ASAH1: variants seen among roughly 807,000 people sequenced by gnomAD.
The protein encoded by ASAH1 is N-acylsphingosine amidohydrolase 1, also known as acid ceramidase.
In ASAH1, 70 loss-of-function variants were observed where a neutral mutation model predicts 59.5. The observed-to-expected ratio is 1.18, with a 90% CI of 0.97 to 1.43. ASAH1 has a LOEUF of 1.43. Among genes scored for constraint, ASAH1 ranks in the 40% most tolerant of loss-of-function variants. The pLI, the probability that ASAH1 is intolerant of heterozygous loss-of-function variation, is 0.00. For synonymous variants in ASAH1, 213 were observed against 166.5 expected (o/e 1.28, Z -2.15); for missense variants, 660 against 482.5 (o/e 1.37, Z -3.45).
At chr8:18,063,340 G>T in intron 6 of ASAH1, 110 bp from the exon 7 acceptor site, 1 of 1,083,460 alleles carries the variant, frequency 9.2e-7, no homozygotes, top group Non-Finnish European at 1.4e-6. Context: ...GTCTCGTTCT[G>T]TTGGCCAGAC....
At position 18,075,567 on chromosome 8, in the gene ASAH1, T is replaced by C; in HGVS notation, c.99A>G (p.Lys33=). Residue 33 remains lysine, a synonymous_variant, in exon 2 of 14, where the codon AAA becomes AAG. Coordinates refer to ENST00000637790, the MANE Select transcript of ASAH1 (RefSeq NM_177924.5). ...HAPPWTEDCR[K]STYPPSGPTY... ...TTGGTCCTGAAGGAGGATAGGTTGA[T>C]TTTCTGCAGTCCTCTGTCCACTGAA... 2 of 1,614,176 alleles carry C rather than the reference T, an allele frequency of 1.2e-6. No individual in the cohort carries two copies. The highest frequency in any genetic ancestry group is 2.2e-5 in the East Asian group (1 of 44,870).
Position 18,059,358 on chromosome 8 carries a change from T to C in ASAH1, c.1024A>G (p.Asn342Asp), listed in dbSNP as rs372928199. 11 of 1,614,106 alleles carry C rather than the reference T, an allele frequency of 6.8e-6. 1 individual carries two copies. In the African/African-American group the frequency reaches 1.5e-4, roughly 22 times the overall value. Residue 342 changes from asparagine (N) to aspartate (D), a missense_variant, in exon 12 of 14, where the codon AAC (asparagine) becomes GAC (aspartate). Coordinates refer to ENST00000637790, the MANE Select transcript of ASAH1 (RefSeq NM_177924.5). ...DRRTPAKMCL[N>D]RTSQENISFE... Reference sequence around the variant, plus strand: ...AAAGGTACCTCTTGGCTGGTGCGGTTCAGACACATCTTTGCAGGCGTTCTG... The same window carrying C: ...AAAGGTACCTCTTGGCTGGTGCGGTCCAGACACATCTTTGCAGGCGTTCTG...
chr8:18,078,860 A>G (rs557351637), intron 1 of ASAH1, among the ~76,000 whole-genome samples: 51 of 151,874 alleles, frequency 3.4e-4, no homozygotes, highest in African/African-American at 1.1e-3. Context: ...ATTCTCTCTA[A>G]CCCTCTCCCC....
In ASAH1 at chr8:18,069,787, C is replaced by T. The variant is rs577572797; in HGVS notation, c.303+5G>A. ...ACATTTATTGTGAGAAATAATATCT[C>T]TTACCAATTTTTCATCCACCACCTG... On this transcript the variant is annotated splice_donor_5th_base_variant and intron_variant, in intron 4 of 13. Coordinates refer to ENST00000637790, the MANE Select transcript of ASAH1 (RefSeq NM_177924.5). The T allele has an allele frequency of 6.5e-7, 1 of 1,543,972 alleles. No individual in the cohort carries two copies. Among genetic ancestry groups the T allele is most frequent in the East Asian group, 2.2e-5 (1 of 44,548 alleles).
chr8:18,072,315 G>A (rs1384238743), intron 2 of ASAH1, among the ~76,000 whole-genome samples: 1 of 152,158 alleles, frequency 6.6e-6, no homozygotes, highest in Non-Finnish European at 1.5e-5. Context: ...AAATAGAAAT[G>A]TTATCTAGAC....
chr8:18,074,996 C>G (rs1415343961), intron 2 of ASAH1, among the ~76,000 whole-genome samples: 4 of 149,186 alleles, frequency 2.7e-5, no homozygotes, highest in Admixed American at 6.7e-5. Flanking sequence ...GAATGAAAAT[C>G]CTTTCCTTTT....
chr8:18,067,085 T>C (rs1799956830), intron 5 of ASAH1, 135 bp downstream of exon 5: 4 of 198,490 alleles, frequency 2.0e-5, no homozygotes, highest in Admixed American at 1.2e-4. Context: ...CACTGAGCTG[T>C]ATATCTAAGA....
At chr8:18,084,869 G>A, upstream of ASAH1, 1 of 1,592,574 alleles carries the variant, frequency 6.3e-7, no homozygotes, top group East Asian at 2.3e-5. Context: ...AGCTTGGGAG[G>A]AGGCGGACGC....
At chr8:18,084,894 G>A, upstream of ASAH1, 2 of 1,538,404 alleles carry the variant, frequency 1.3e-6, no homozygotes, top group Non-Finnish European at 1.8e-6. Flanking sequence ...AGCTCGGCAG[G>A]GGGACTCGCT....
chr8:18,082,322 G>A (rs1800686403), intron 1 of ASAH1, among the ~76,000 whole-genome samples: 1 of 152,244 alleles, frequency 6.6e-6, no homozygotes, highest in South Asian at 2.1e-4. Flanking sequence ...TCCAACACCT[G>A]AAACTGCTCT....
At chr8:18,084,122 G>C (rs1193316934), upstream of ASAH1, 2 of 1,585,410 alleles carry the variant, frequency 1.3e-6, no homozygotes, top group African/African-American at 2.7e-5. Context: ...GGCTGGGCCG[G>C]GGGCAGGCCA....
rs895669204 is a variant in ASAH1 at position 18,059,656 on chromosome 8, G to T, written c.833C>A (p.Pro278Gln). 1.2e-6 allele frequency: 2 copies of T among 1,614,046 alleles called. No individual in the cohort carries two copies. Among genetic ancestry groups the T allele is most frequent in the Admixed American group, 1.7e-5 (1 of 60,012 alleles). The stretch of plus-strand genomic sequence containing the variant: ...GTTGCCTCCCAGGATAAAGTAGGCT[G>T]GGGCCAATATCTTGGTCTTGGTCAA... Reference protein sequence around the residue: ...NLLTKTKILAPAYFILGGNQS... With the variant: ...NLLTKTKILAQAYFILGGNQS... The change falls in exon 11 of 14, where the codon CCA becomes CAA. Residue 278 changes from proline (P) to glutamine (Q), a missense_variant. Pro to Gln is a moderately conservative substitution (Grantham distance 76, BLOSUM62 -1). Coordinates refer to ENST00000637790, the MANE Select transcript of ASAH1 (RefSeq NM_177924.5).
rs1799612249 is a variant in ASAH1, at chr8:18,059,677, G to T, written c.812C>A (p.Thr271Asn). 1 of 1,614,040 alleles carries T rather than the reference G, an allele frequency of 6.2e-7. No homozygotes were observed. Among genetic ancestry groups the T allele is most frequent in the Non-Finnish European group, 8.5e-7 (1 of 1,180,030 alleles). ...GGCTGGGGCCAATATCTTGGTCTTGGTCAATAAATTCTTGGCTTCTTCATA... is the reference window on the plus strand; with the variant it reads ...GGCTGGGGCCAATATCTTGGTCTTGTTCAATAAATTCTTGGCTTCTTCATA... ...TSYEEAKNLL[T>N]KTKILAPAYF... is the part of the protein sequence containing the mutation. Residue 271 changes from threonine (T) to asparagine (N), a missense_variant, in exon 11 of 14, where the codon ACC (threonine) becomes AAC (asparagine). Physicochemically the swap from Thr to Asn is moderately conservative, Grantham distance 65. Coordinates refer to ENST00000637790, the MANE Select transcript of ASAH1 (RefSeq NM_177924.5).
Position 18,064,437 on chromosome 8 carries a change from C to CGGGGG in ASAH1, c.457+19_457+20insCCCCC. 2.7e-6 allele frequency: 4 copies of CGGGGG among 1,470,448 alleles called. No homozygotes were observed. Among genetic ancestry groups the CGGGGG allele is most frequent in the Non-Finnish European group, 3.8e-6 (4 of 1,052,174 alleles). 91.1% of individuals were successfully genotyped at this position (1,470,448 alleles called of 1,614,324 possible). A position where few individuals can be genotyped will look rare whatever the true frequency, so the allele number is the denominator to read the frequency against. On this transcript the variant is annotated intron_variant, in intron 6 of 13. Transcript: ENST00000637790. ...TATGTAGTGCTTCATGCTGCCCACC[C>CGGGGG]TCCCTCAGCGCACAATTACCTTTTT...
chr8:18,083,788 C>T (rs777770397), intron 1 of ASAH1, 193 bp downstream of exon 1: 1 of 1,135,566 alleles, frequency 8.8e-7, no homozygotes, highest in Non-Finnish European at 1.2e-6. Flanking sequence ...TTGCAGGTAG[C>T]ACCGAATCTA....
intron 1 of ASAH1, among the ~76,000 whole-genome samples, chr8:18,082,081 A>G (rs1487575261): frequency 6.6e-6 from 1 of 152,278 alleles, no homozygotes; most frequent in African/African-American, 2.4e-5. Context: ...AAAGATTAAC[A>G]TTCTAAATTA....
rs772743433 is a variant in ASAH1 at position 18,083,965 on chromosome 8, G to T, written c.78+16C>A. 1 of 1,596,584 alleles carries T rather than the reference G, an allele frequency of 6.3e-7. No individual in the cohort carries two copies. The highest frequency in any genetic ancestry group is 1.7e-5 in the Admixed American group (1 of 59,806). On this transcript the variant is annotated intron_variant, in intron 1 of 13. Transcript: ENST00000637790. ...CCTGCACGCCCCTCTCTGCGCCTCG[G>T]CTCAAGCTCACTCACCGGCGGCGCG...
intron 2 of ASAH1, among the ~76,000 whole-genome samples, chr8:18,071,920 A>G (rs1800193270): frequency 6.6e-6 from 1 of 152,218 alleles, no homozygotes; most frequent in African/African-American, 2.4e-5. Flanking sequence ...TGATTCTGTC[A>G]GCCATCCTAA....
chr8:18,062,852 A>ATG, intron 7 of ASAH1: 2 of 328,336 alleles, frequency 6.1e-6, no homozygotes, highest in East Asian at 7.7e-5. Flanking sequence ...CCTACAGACC[A>ATG]AAACAGTTCT....
Sources: allele counts gnomAD v4.1 joint callset (sites outside exome capture counted in the v4.1 genomes callset), GRCh38; gene constraint gnomAD v4.1.1; transcripts MANE v1.5; gene names NCBI Gene and HGNC (gene_info 2026-07-23, HGNC 2026-07-21).